CSMD3: variants seen among roughly 807,000 people sequenced by gnomAD.
CSMD3 encodes CUB and sushi domain-containing protein 3.
CSMD3 carries 177 observed loss-of-function variants against 435.2 expected under a neutral mutation model. The ratio of observed to expected loss-of-function variants is 0.41; its 90% CI spans 0.36 to 0.46. The LOEUF is 0.46. Among genes scored for constraint, CSMD3 ranks in the 20% least tolerant of loss-of-function variants. The pLI is 0.34. For synonymous variants in CSMD3, 1,656 were observed against 1,520.5 expected (o/e 1.09, Z -2.07); for missense variants, 4,265 against 4,504.6 (o/e 0.95, Z 1.52).
At chr8:112,462,174 A>G in intron 32 of CSMD3, among the ~76,000 whole-genome samples, 1 of 152,206 alleles carries the variant, frequency 6.6e-6, no homozygotes, top group East Asian at 1.9e-4. Flanking sequence ...TACAATTGTT[A>G]CCATCATTGA....
intron 53 of CSMD3, among the ~76,000 whole-genome samples, chr8:112,298,044 A>AAT (rs1036932054): frequency 6.7e-6 from 1 of 149,932 alleles, no homozygotes; most frequent in Non-Finnish European, 1.5e-5. Flanking sequence ...CTATGCTAAA[A>AAT]ATACAAAATG....
At chr8:113,223,117 A>C (rs1360919363) in intron 3 of CSMD3, among the ~76,000 whole-genome samples, 2 of 150,510 alleles carry the variant, frequency 1.3e-5, no homozygotes, top group Non-Finnish European at 3.0e-5. Context: ...TTTAATATTT[A>C]CTCAAAAGTA....
chr8:112,733,270 A>G (rs1674099366), intron 13 of CSMD3, among the ~76,000 whole-genome samples: 2 of 152,156 alleles, frequency 1.3e-5, no homozygotes, highest in Admixed American at 6.6e-5. Flanking sequence ...CGAATTAAGC[A>G]TCATATTGAC....
At chr8:112,552,447 T>G in intron 26 of CSMD3, 147 bp downstream of exon 26, 1 of 732,022 alleles carries the variant, frequency 1.4e-6, no homozygotes, top group East Asian at 3.3e-5. Context: ...GATCGAGCCC[T>G]GCCTTCCGGT....
chr8:112,850,223 G>C (rs1490551489), intron 11 of CSMD3, among the ~76,000 whole-genome samples: 1 of 152,042 alleles, frequency 6.6e-6, no homozygotes, highest in African/African-American at 2.4e-5. Flanking sequence ...GTAAGAAATG[G>C]AGTGACTAAA....
In CSMD3 at chr8:112,506,699, C is replaced by T. The variant is rs758734221; in HGVS notation, c.4887G>A (p.Ala1629=). 32 of 1,613,384 alleles carry T rather than the reference C, an allele frequency of 2.0e-5. No homozygotes were observed. Among genetic ancestry groups the T allele is most frequent in the South Asian group, 8.8e-5 (8 of 91,078 alleles). ...TVNADYVISL[A]FISFSIEPNY... ...AATATATAAGAACTCACCTGATGAA[C>T]GCCAAGGAGATAACATAGTCTGCAT... The change falls in exon 29 of 71, where the codon GCG becomes GCA. Residue 1629 remains alanine, a synonymous_variant. Coordinates refer to ENST00000297405, the MANE Select transcript of CSMD3 (RefSeq NM_198123.2).
chr8:113,047,740 G>T (rs1174235764), intron 5 of CSMD3, among the ~76,000 whole-genome samples: 1 of 152,076 alleles, frequency 6.6e-6, no homozygotes, highest in Non-Finnish European at 1.5e-5. Context: ...TAAATGTATG[G>T]CTCCAGACAG....
intron 3 of CSMD3, among the ~76,000 whole-genome samples, chr8:113,197,546 A>G (rs1362293044): frequency 1.3e-5 from 2 of 151,174 alleles, no homozygotes; most frequent in Non-Finnish European, 3.0e-5. Flanking sequence ...TATTATTATT[A>G]CTGTAATGAT....
intron 13 of CSMD3, among the ~76,000 whole-genome samples, chr8:112,734,593 G>A (rs1057142802): frequency 9.2e-5 from 14 of 151,848 alleles, no homozygotes; most frequent in Non-Finnish European, 2.1e-4. Context: ...AAAGATTTTT[G>A]TCAGGAAATA....
intron 44 of CSMD3, among the ~76,000 whole-genome samples, chr8:112,335,878 A>C (rs1031780311): frequency 1.3e-5 from 2 of 152,052 alleles, no homozygotes; most frequent in African/African-American, 2.4e-5. Context: ...ATCAGTAGTT[A>C]ATTATTAATT....
chr8:112,683,146 A>G (rs188157046), intron 15 of CSMD3, among the ~76,000 whole-genome samples: 2 of 151,980 alleles, frequency 1.3e-5, no homozygotes, highest in Admixed American at 6.6e-5. Context: ...ATAATTTTCC[A>G]TGACATTTAT....
At chr8:112,325,573 A>G (rs1823427531) in intron 45 of CSMD3, among the ~76,000 whole-genome samples, 1 of 152,156 alleles carries the variant, frequency 6.6e-6, no homozygotes, top group Non-Finnish European at 1.5e-5. Context: ...TCCAGTGTTC[A>G]GCACGTAGCA....
At chr8:112,438,094 T>A (rs1000016000) in intron 32 of CSMD3, among the ~76,000 whole-genome samples, 1 of 152,168 alleles carries the variant, frequency 6.6e-6, no homozygotes, top group Non-Finnish European at 1.5e-5. Context: ...AGGACCAAAA[T>A]AATTATCTCT....
intron 10 of CSMD3, among the ~76,000 whole-genome samples, chr8:112,904,567 C>A (rs1030937938): frequency 6.6e-6 from 1 of 151,222 alleles, no homozygotes; most frequent in African/African-American, 2.4e-5. Flanking sequence ...TTTATGAGGA[C>A]CTTGAAGGTG....
At chr8:112,647,238 A>C (rs1312029822) in intron 19 of CSMD3, among the ~76,000 whole-genome samples, 1 of 152,038 alleles carries the variant, frequency 6.6e-6, no homozygotes, top group African/African-American at 2.4e-5. Flanking sequence ...TGAATATATA[A>C]AAAAAATTCA....
intron 1 of CSMD3, chr8:113,376,933 G>A (rs1563761576): frequency 2.6e-6 from 4 of 1,541,816 alleles, no homozygotes; most frequent in Admixed American, 1.7e-5. Context: ...CATAACGGAT[G>A]ACGTGCGGGT....
intron 51 of CSMD3, 141 bp from the exon 52 acceptor site, chr8:112,305,056 C>T: frequency 1.1e-5 from 8 of 708,694 alleles, no homozygotes; most frequent in South Asian, 9.4e-5. Flanking sequence ...ATTTCTTTTG[C>T]ATGTTGATAT....
At chr8:112,985,343 G>T (rs2085216504) in intron 6 of CSMD3, among the ~76,000 whole-genome samples, 1 of 151,948 alleles carries the variant, frequency 6.6e-6, no homozygotes, top group South Asian at 2.1e-4. Flanking sequence ...AAATTATTTG[G>T]CATGGCAGGA....
rs749795822 is a variant in CSMD3, at chr8:112,637,031, C to T, written c.3527-26G>A. 41 of 1,590,936 alleles carry T rather than the reference C, an allele frequency of 2.6e-5. No individual in the cohort carries two copies. In the South Asian group the frequency reaches 4.5e-4, roughly 18 times the overall value. ...CTGTAAATTAGAGAGAAAAATTTCCCCGCGGGGGAGGAAAGGACAAAGAAA... is the reference window on the plus strand; with the variant it reads ...CTGTAAATTAGAGAGAAAAATTTCCTCGCGGGGGAGGAAAGGACAAAGAAA... On this transcript the variant is annotated intron_variant, in intron 21 of 70. Transcript: ENST00000297405.
Sources: gnomAD v4.1 joint callset for allele counts (sites outside exome capture counted in the v4.1 genomes callset) on GRCh38, gnomAD v4.1.1 for gene constraint, MANE v1.5 for transcripts, NCBI Gene and HGNC (gene_info 2026-07-23, HGNC 2026-07-21) for gene names.